The following CALCR variants were observed in gnomAD, a reference collection of about 807,000 sequenced individuals.
CALCR encodes the protein calcitonin receptor.
Under a neutral mutation model 59.5 loss-of-function variants are expected in CALCR, and 47 were observed. The observed-to-expected ratio is 0.79, with a 90% CI of 0.63 to 1.01. The LOEUF (loss-of-function observed/expected upper bound fraction) is 1.01, where lower values mean the gene tolerates loss of function less well. Ranked by LOEUF, CALCR falls within the 50% of genes least tolerant of loss-of-function variation. The probability of loss-of-function intolerance (pLI) is 0.00; values close to 1 mark genes in which losing one functional copy is unlikely to be tolerated. For synonymous variants in CALCR, 213 were observed against 211.3 expected (o/e 1.01, Z -0.07); for missense variants, 566 against 597.1 (o/e 0.95, Z 0.54).
intron 8 of CALCR, among the ~76,000 whole-genome samples, chr7:93,454,919 TGTG>T (rs1800180244): frequency 1.0e-4 from 4 of 38,376 alleles, no homozygotes; most frequent in Non-Finnish European, 2.2e-4. Context: ...GGGCATTTTG[TGTG>T]TGTGTGTGTG....
At chr7:93,450,753 T>G (rs896133788) in intron 8 of CALCR, among the ~76,000 whole-genome samples, 1 of 151,986 alleles carries the variant, frequency 6.6e-6, no homozygotes, top group African/African-American at 2.4e-5. Context: ...GTAGTTGTTA[T>G]CTGTGAGAGG....
At chr7:93,557,748 T>C (rs1430105551) in intron 2 of CALCR, among the ~76,000 whole-genome samples, 1 of 152,008 alleles carries the variant, frequency 6.6e-6, no homozygotes, top group Non-Finnish European at 1.5e-5. Context: ...TGATAGAAGG[T>C]AGATATCTGC....
At chr7:93,531,663 AT>A (rs1197399428) in intron 2 of CALCR, among the ~76,000 whole-genome samples, 1 of 152,106 alleles carries the variant, frequency 6.6e-6, no homozygotes, top group Non-Finnish European at 1.5e-5. Context: ...CTAACCCCTG[AT>A]TTCTTTAATT....
intron 3 of CALCR, among the ~76,000 whole-genome samples, chr7:93,483,444 G>C (rs1800849327): frequency 7.0e-6 from 1 of 141,878 alleles, no homozygotes; most frequent in African/African-American, 3.0e-5. Flanking sequence ...TAGATAGATA[G>C]ATAGATAGAT....
intron 4 of CALCR, among the ~76,000 whole-genome samples, chr7:93,478,930 G>A (rs144027279): frequency 8.8e-4 from 134 of 151,862 alleles, no homozygotes; most frequent in African/African-American, 3.1e-3. Context: ...AGAATAGTAT[G>A]GGTTGCCAAC....
chr7:93,424,857 CA>C lies in CALCR; in HGVS notation c.*1498del, dbSNP rs1430722348. On this transcript the variant is annotated 3_prime_UTR_variant, in exon 14 of 14. Transcript: ENST00000426151. ...GGAGACTTAAACTACTTTAGTATCC[CA>C]AATTCATTTTCTCTGTAGAAATATA... 6 of 152,510 alleles carry C rather than the reference CA, an allele frequency of 3.9e-5. No homozygotes were observed. The highest frequency in any genetic ancestry group is 7.4e-5 in the Non-Finnish European group (5 of 67,984). The allele number at this position is 152,510 out of a possible 1,614,324, so 9.4% of individuals were successfully genotyped here. A position where few individuals can be genotyped will look rare whatever the true frequency, so the allele number is the denominator to read the frequency against.
At chr7:93,524,321 C>A (rs753837815) in intron 2 of CALCR, among the ~76,000 whole-genome samples, 9 of 151,874 alleles carry the variant, frequency 5.9e-5, no homozygotes, top group Non-Finnish European at 8.8e-5. Context: ...AGGCGCCTGC[C>A]ACCACGCCCG....
intron 8 of CALCR, among the ~76,000 whole-genome samples, chr7:93,459,092 G>A (rs1417858309): frequency 6.6e-6 from 1 of 152,118 alleles, no homozygotes; most frequent in African/African-American, 2.4e-5. Context: ...AATAGAGGCT[G>A]CAATTATAAA....
intron 2 of CALCR, among the ~76,000 whole-genome samples, chr7:93,512,415 G>A (rs1584597308): frequency 6.6e-6 from 1 of 152,108 alleles, no homozygotes; most frequent in South Asian, 2.1e-4. Flanking sequence ...TACAGCTCAT[G>A]TTTTAATTCT....
intron 5 of CALCR, among the ~76,000 whole-genome samples, chr7:93,474,516 T>C (rs1451518919): frequency 1.3e-5 from 2 of 151,880 alleles, no homozygotes; most frequent in East Asian, 3.9e-4. Context: ...CAAGATAATA[T>C]TTAAATTCTA....
At chr7:93,466,096 C>T (rs1800435755) in intron 7 of CALCR, among the ~76,000 whole-genome samples, 1 of 151,756 alleles carries the variant, frequency 6.6e-6, no homozygotes, top group Non-Finnish European at 1.5e-5. Flanking sequence ...ACTCTGGTTT[C>T]CTGAAAGTTT....
chr7:93,460,781 C>T (rs763281757), intron 8 of CALCR, 40 bp downstream of exon 8: 2 of 1,510,522 alleles, frequency 1.3e-6, no homozygotes, highest in Non-Finnish European at 1.8e-6. Flanking sequence ...GTACTATATC[C>T]TTTAAAATAA....
At chr7:93,550,275 A>AT (rs1222449317) in intron 2 of CALCR, among the ~76,000 whole-genome samples, 1 of 151,936 alleles carries the variant, frequency 6.6e-6, no homozygotes, top group Non-Finnish European at 1.5e-5. Context: ...AAATCACCTG[A>AT]GGTCAGGAGT....
chr7:93,488,582 G>GCAAAAAAAAAAAAAAAAAAAAAAAAAAAA, intron 2 of CALCR, among the ~76,000 whole-genome samples: 1 of 78,030 alleles, frequency 1.3e-5, no homozygotes, highest in Non-Finnish European at 2.4e-5. Context: ...CAAATGGAAA[G>GCAAAAAAAAAAAAAAAAAAAAAAAAAAAA]AAAAAAAAAA....
intron 2 of CALCR, among the ~76,000 whole-genome samples, chr7:93,526,285 G>A (rs1466015528): frequency 6.6e-6 from 1 of 152,066 alleles, no homozygotes. Flanking sequence ...GCATGGATGA[G>A]ATACCATTTC....
At chr7:93,444,231 A>G (rs1799968366) in intron 8 of CALCR, among the ~76,000 whole-genome samples, 1 of 151,950 alleles carries the variant, frequency 6.6e-6, no homozygotes, top group African/African-American at 2.4e-5. Flanking sequence ...TCATATATAA[A>G]CCCAGGAGAT....
intron 7 of CALCR, among the ~76,000 whole-genome samples, chr7:93,461,498 A>G (rs1800336263): frequency 1.3e-5 from 2 of 152,064 alleles, no homozygotes; most frequent in Admixed American, 1.3e-4. Context: ...TTATATTTCA[A>G]CTAGAATCAT....
At chr7:93,505,887 G>C (rs150915013) in intron 2 of CALCR, among the ~76,000 whole-genome samples, 1 of 152,158 alleles carries the variant, frequency 6.6e-6, no homozygotes, top group African/African-American at 2.4e-5. Context: ...CAGGTAACAA[G>C]GTGCCAGCTA....
At chr7:93,502,495 AT>A (rs1348371134) in intron 2 of CALCR, among the ~76,000 whole-genome samples, 1 of 152,154 alleles carries the variant, frequency 6.6e-6, no homozygotes, top group Non-Finnish European at 1.5e-5. Flanking sequence ...ACTCTTAAAG[AT>A]TATATAACTA....
Sources: allele counts gnomAD v4.1 joint callset (sites outside exome capture counted in the v4.1 genomes callset), GRCh38; gene constraint gnomAD v4.1.1; transcripts MANE v1.5; gene names NCBI Gene and HGNC (gene_info 2026-07-23, HGNC 2026-07-21).